GPC5: variants seen among roughly 807,000 people sequenced by gnomAD.
GPC5 encodes the protein glypican 5.
A neutral mutation model predicts 53.9 loss-of-function variants in GPC5; 47 were observed. The observed-to-expected ratio is 0.87, with a 90% CI of 0.69 to 1.11. The LOEUF (loss-of-function observed/expected upper bound fraction) is 1.11, where lower values mean the gene tolerates loss of function less well. Ranked by LOEUF, GPC5 falls within the 50% of genes most tolerant of loss-of-function variation. GPC5 has a pLI of 0.00. For synonymous variants in GPC5, 286 were observed against 263.3 expected (o/e 1.09, Z -0.84); for missense variants, 748 against 713.1 (o/e 1.05, Z -0.56).
chr13:91,997,122 G>A (rs377685430), intron 6 of GPC5, among the ~76,000 whole-genome samples: 10 of 152,038 alleles, frequency 6.6e-5, no homozygotes, highest in East Asian at 5.8e-4. Flanking sequence ...ATAAACATTG[G>A]TTCATAGAGT....
chr13:91,750,253 G>A (rs901203678), intron 4 of GPC5, among the ~76,000 whole-genome samples: 2 of 152,170 alleles, frequency 1.3e-5, no homozygotes, highest in Non-Finnish European at 2.9e-5. Flanking sequence ...TAAATATTCA[G>A]ATGAGCAACA....
At chr13:91,978,690 G>A (rs986778492) in intron 6 of GPC5, among the ~76,000 whole-genome samples, 2 of 152,160 alleles carry the variant, frequency 1.3e-5, no homozygotes, top group Admixed American at 1.3e-4. Flanking sequence ...GGAAAGGAGT[G>A]AGTCTTATTT....
chr13:92,440,699 T>C (rs1347844657), intron 7 of GPC5, among the ~76,000 whole-genome samples: 1 of 152,228 alleles, frequency 6.6e-6, no homozygotes, highest in Admixed American at 6.5e-5. Context: ...GTGGCTGTTC[T>C]AGTTTACATT....
intron 7 of GPC5, among the ~76,000 whole-genome samples, chr13:92,828,754 C>T (rs1486105798): frequency 6.6e-6 from 1 of 152,120 alleles, no homozygotes; most frequent in African/African-American, 2.4e-5. Context: ...TTCCGCCTCA[C>T]ATTCAAAGAC....
rs182355499 is a variant in GPC5, at chr13:91,795,939, A to G, written c.1280+39519A>G. On this transcript the variant is annotated intron_variant, in intron 5 of 7. Coordinates refer to ENST00000377067, the MANE Select transcript of GPC5 (RefSeq NM_004466.6). ...TAATGATTTCTTTACTTCCATAGTAATAAAGTATGAGAGGGAGAAGAAGTA... is the reference window on the plus strand; with the variant it reads ...TAATGATTTCTTTACTTCCATAGTAGTAAAGTATGAGAGGGAGAAGAAGTA... Among the ~76,000 whole-genome samples the G allele has an allele frequency of 4.6e-5, 7 of 152,306 alleles. No homozygotes were observed. In the East Asian group the frequency reaches 1.3e-3, roughly 29 times the overall value.
rs11409400 is a variant in GPC5 at position 92,535,668 on chromosome 13, T to TAAA, written c.1562-330605_1562-330603dup. The stretch of plus-strand genomic sequence containing the variant: ...TAGAATAGTCCATTTCTATGTTTAT[T>TAAA]AAAAAAAAAAACAACCAGTCTGTGG... On this transcript the variant is annotated intron_variant, in intron 7 of 7. Coordinates refer to ENST00000377067, the MANE Select transcript of GPC5 (RefSeq NM_004466.6). 2.1e-3 allele frequency among the ~76,000 whole-genome samples: 307 copies of TAAA among 148,058 alleles called. 4 individuals are homozygous for TAAA. Among genetic ancestry groups the TAAA allele is most frequent in the African/African-American group, 6.7e-3 (272 of 40,502 alleles).
At chr13:91,808,630 C>G (rs1191091807) in intron 5 of GPC5, among the ~76,000 whole-genome samples, 1 of 152,142 alleles carries the variant, frequency 6.6e-6, no homozygotes, top group Admixed American at 6.6e-5. Flanking sequence ...TACTTCTTGT[C>G]TACTCCTGCC....
chr13:92,418,475 G>A (rs1016422783), intron 7 of GPC5, among the ~76,000 whole-genome samples: 5 of 152,270 alleles, frequency 3.3e-5, no homozygotes, highest in East Asian at 1.9e-4. Context: ...CATGGAGAAC[G>A]GAGGGCTTGT....
intron 6 of GPC5, among the ~76,000 whole-genome samples, chr13:92,052,807 G>C (rs908714168): frequency 6.6e-6 from 1 of 152,154 alleles, no homozygotes; most frequent in South Asian, 2.1e-4. Context: ...ATTCTCAGAG[G>C]TGAGGAAGTT....
At chr13:92,796,858 TCTAA>T (rs1270839113) in intron 7 of GPC5, among the ~76,000 whole-genome samples, 3 of 151,992 alleles carry the variant, frequency 2.0e-5, no homozygotes, top group African/African-American at 7.2e-5. Flanking sequence ...CCCTCACATT[TCTAA>T]CTTTTAATGA....
rs890674355 is a variant in GPC5 at position 92,146,140 on chromosome 13, A to G, written c.1561+1151A>G. Among the ~76,000 whole-genome samples the G allele has an allele frequency of 3.9e-5, 6 of 152,322 alleles. No homozygotes were observed. The South Asian group carries it at 8.3e-4, about 21-fold the overall frequency. On this transcript the variant is annotated intron_variant, in intron 7 of 7. Transcript: ENST00000377067. ...TAGATGAGAATTGGTGCACTTGAGCAGCCTTTGAACAAAAGGCCACAAAAT... is the reference window on the plus strand; with the variant it reads ...TAGATGAGAATTGGTGCACTTGAGCGGCCTTTGAACAAAAGGCCACAAAAT...
At chr13:92,719,176 C>T (rs895647343) in intron 7 of GPC5, among the ~76,000 whole-genome samples, 2 of 150,564 alleles carry the variant, frequency 1.3e-5, no homozygotes, top group African/African-American at 4.9e-5. Context: ...AGCCCCCCCC[C>T]ACATAATGAT....
chr13:91,789,184 G>T (rs1287616286), intron 5 of GPC5, among the ~76,000 whole-genome samples: 1 of 151,814 alleles, frequency 6.6e-6, no homozygotes, highest in Admixed American at 6.5e-5. Flanking sequence ...CTGCACTCTA[G>T]CCTGGGTGAC....
intron 5 of GPC5, among the ~76,000 whole-genome samples, chr13:91,785,783 ATCT>A (rs1385941331): frequency 6.6e-6 from 1 of 152,142 alleles, no homozygotes; most frequent in Non-Finnish European, 1.5e-5. Flanking sequence ...ATCTGCACAG[ATCT>A]TCTAAATACA....
intron 6 of GPC5, among the ~76,000 whole-genome samples, chr13:92,071,869 T>C (rs1396983689): frequency 1.4e-5 from 2 of 147,064 alleles, no homozygotes; most frequent in Admixed American, 1.4e-4. Context: ...ATAATATATA[T>C]AAATATTATA....
At chr13:92,663,862 A>AC (rs1327798267) in intron 7 of GPC5, among the ~76,000 whole-genome samples, 1 of 4,368 alleles carries the variant, frequency 2.3e-4, no homozygotes, top group African/African-American at 5.2e-4. Context: ...CACACTATAT[A>AC]TATATATATA....
At chr13:92,659,939 T>C (rs1006650978) in intron 7 of GPC5, among the ~76,000 whole-genome samples, 3 of 152,140 alleles carry the variant, frequency 2.0e-5, no homozygotes, top group Non-Finnish European at 4.4e-5. Context: ...AAGAAACCCG[T>C]GTGGAAAGAA....
At chr13:92,797,731 AT>A (rs1876735839) in intron 7 of GPC5, among the ~76,000 whole-genome samples, 2 of 151,942 alleles carry the variant, frequency 1.3e-5, no homozygotes, top group East Asian at 3.9e-4. Context: ...TAGAGAGGGC[AT>A]TTACTAAGTA....
Position 91,887,231 on chromosome 13 carries a change from G to T in GPC5, c.1281-20706G>T, listed in dbSNP as rs539880678. 3.3e-5 allele frequency among the ~76,000 whole-genome samples: 5 copies of T among 152,288 alleles called. No homozygotes were observed. The East Asian group carries it at 5.8e-4, about 18-fold the overall frequency. The stretch of plus-strand genomic sequence containing the variant: ...GAGGCTTTCAACCTCCAAAGACATG[G>T]TTTGAGCTGTACCCTGGTGTCTCCC... On this transcript the variant is annotated intron_variant, in intron 5 of 7. Transcript: ENST00000377067.
Sources: gnomAD v4.1 joint callset for allele counts (sites outside exome capture counted in the v4.1 genomes callset) on GRCh38, gnomAD v4.1.1 for gene constraint, MANE v1.5 for transcripts, NCBI Gene and HGNC (gene_info 2026-07-23, HGNC 2026-07-21) for gene names.